RAB12: variants seen among roughly 807,000 people sequenced by gnomAD.
RAB12 encodes the protein RAB12, member RAS oncogene family.
RAB12 carries 11 observed loss-of-function variants against 28.4 expected under a neutral mutation model. The observed-to-expected ratio is 0.39, with a 90% CI of 0.24 to 0.64. The LOEUF (loss-of-function observed/expected upper bound fraction) is 0.64. RAB12 is among the 30% of genes least tolerant of loss of function. RAB12 has a pLI of 0.50. For synonymous variants in RAB12, 138 were observed against 145.3 expected (o/e 0.95, Z 0.36); for missense variants, 276 against 351.1 (o/e 0.79, Z 1.71).
At chr18:8,623,270 G>A (rs1305855568) in intron 1 of RAB12, among the ~76,000 whole-genome samples, 1 of 152,146 alleles carries the variant, frequency 6.6e-6, no homozygotes, top group Admixed American at 6.5e-5. Context: ...AATTATAAAA[G>A]TATTAATTTG....
chr18:8,627,963 GT>G (rs1206879307), intron 2 of RAB12, among the ~76,000 whole-genome samples: 32 of 152,280 alleles, frequency 2.1e-4, no homozygotes, highest in Non-Finnish European at 3.8e-4. Context: ...TCCAAGCGTT[GT>G]TGTATCACCA....
intron 1 of RAB12, among the ~76,000 whole-genome samples, chr18:8,622,338 GT>G (rs1340092157): frequency 6.6e-6 from 1 of 152,176 alleles, no homozygotes; most frequent in Non-Finnish European, 1.5e-5. Context: ...AGTCACGTAG[GT>G]TCTTTTCTAT....
chr18:8,638,296 C>A lies in RAB12; in HGVS notation c.*34C>A, dbSNP rs768051827. On this transcript the variant is annotated 3_prime_UTR_variant, in exon 6 of 6. Coordinates refer to ENST00000649141, the MANE Select transcript of RAB12 (RefSeq NM_001025300.3). Reference sequence around the variant, plus strand: ...TTTGGAGACAAAGTGGAAATGATTCCTGGAAAGGGGAAAAAACGTTCTATT... The same window carrying A: ...TTTGGAGACAAAGTGGAAATGATTCATGGAAAGGGGAAAAAACGTTCTATT... The A allele has an allele frequency of 4.0e-6, 6 of 1,483,840 alleles. No homozygotes were observed. Among genetic ancestry groups the A allele is most frequent in the Non-Finnish European group, 5.6e-6 (6 of 1,063,652 alleles). 91.9% of individuals were successfully genotyped at this position (1,483,840 alleles called of 1,614,324 possible).
At chr18:8,618,742 G>T (rs1004874217) in intron 1 of RAB12, among the ~76,000 whole-genome samples, 1 of 152,258 alleles carries the variant, frequency 6.6e-6, no homozygotes, top group South Asian at 2.1e-4. Flanking sequence ...TTGATCTCCT[G>T]ATCTCGTGAT....
chr18:8,616,104 A>G (rs953335575), intron 1 of RAB12, among the ~76,000 whole-genome samples: 6 of 152,220 alleles, frequency 3.9e-5, no homozygotes, highest in African/African-American at 7.2e-5. Context: ...TCATTCTACA[A>G]ATAGTTTTAA....
chr18:8,629,559 C>T (rs1407552035), intron 2 of RAB12, among the ~76,000 whole-genome samples: 3 of 152,224 alleles, frequency 2.0e-5, no homozygotes, highest in Non-Finnish European at 4.4e-5. Context: ...ACATACCCAC[C>T]TCTGCCCTCC....
intron 2 of RAB12, among the ~76,000 whole-genome samples, chr18:8,625,232 T>C (rs188677807): frequency 6.6e-6 from 1 of 152,382 alleles, no homozygotes; most frequent in Admixed American, 6.5e-5. Flanking sequence ...GTTACTTTAA[T>C]GGTAGCTAGT....
rs773026027 is a variant in RAB12, at chr18:8,638,171, A to G, written c.932A>G (p.Asn311Ser). Reference sequence around the variant, plus strand: ...TAGATGCCTCTGGATATTTTAAGGAATGAGTTGTCCAATAGTATCCTGTCG... The same window carrying G: ...TAGATGCCTCTGGATATTTTAAGGAGTGAGTTGTCCAATAGTATCCTGTCG... ...LKKMPLDILR[N>S]ELSNSILSLQ... The change falls in exon 6 of 6, where the codon AAT becomes AGT. Residue 311 changes from asparagine (N) to serine (S), a missense_variant. Around this residue, in one of 4 missense-constraint regions of RAB12, gnomAD observed 127 missense variants for 161.4 expected, o/e 0.79. Transcript: ENST00000649141. 2.5e-6 allele frequency: 4 copies of G among 1,613,270 alleles called. No individual in the cohort carries two copies. Among genetic ancestry groups the G allele is most frequent in the Non-Finnish European group, 3.4e-6 (4 of 1,179,438 alleles).
chr18:8,633,086 T>C (rs1157541556), intron 2 of RAB12, 103 bp from the exon 3 acceptor site: 1 of 1,468,516 alleles, frequency 6.8e-7, no homozygotes, highest in Admixed American at 1.8e-5. Flanking sequence ...TCTCGTTCTT[T>C]TTTCGCAGAA....
rs151319383 is a variant in RAB12, at chr18:8,621,914, T to A, written c.515-3024T>A. Among the ~76,000 whole-genome samples, 960 of 152,352 alleles carry A rather than the reference T, an allele frequency of 6.3e-3. 13 individuals are homozygous for A. The highest frequency in any genetic ancestry group is 0.023 in the African/African-American group (940 of 41,582). ...TTAGAACTAATAATGTGTTTATAAT[T>A]ACATAGTGATAATGTTACCACTTAT... On this transcript the variant is annotated intron_variant, in intron 1 of 5. Transcript: ENST00000649141.
At chr18:8,618,102 C>A (rs2096007660) in intron 1 of RAB12, among the ~76,000 whole-genome samples, 1 of 152,122 alleles carries the variant, frequency 6.6e-6, no homozygotes, top group South Asian at 2.1e-4. Flanking sequence ...CTTGGAGGCC[C>A]AGGACCTCCA....
intron 3 of RAB12, 107 bp downstream of exon 3, chr18:8,633,434 C>A: frequency 1.5e-6 from 2 of 1,292,984 alleles, no homozygotes; most frequent in Admixed American, 2.0e-5. Context: ...TTCATATAGA[C>A]TAAACATCAT....
Position 8,638,360 on chromosome 18 carries a change from T to C in RAB12, c.*98T>C. On this transcript the variant is annotated 3_prime_UTR_variant, in exon 6 of 6. Coordinates refer to ENST00000649141, the MANE Select transcript of RAB12 (RefSeq NM_001025300.3). ...ATTTTGACAATTTCCTTTCGCACTT[T>C]GTAATCCAAGTCAGAGCTATACACT... The C allele has an allele frequency of 1.2e-6, 1 of 832,026 alleles. No individual in the cohort carries two copies. Among genetic ancestry groups the C allele is most frequent in the Non-Finnish European group, 2.0e-6 (1 of 505,920 alleles). The allele number at this position is 832,026 out of a possible 1,614,324, so 51.5% of individuals were successfully genotyped here.
chr18:8,633,115 T>C, intron 2 of RAB12, 74 bp from the exon 3 acceptor site: 2 of 1,571,530 alleles, frequency 1.3e-6, no homozygotes, highest in Non-Finnish European at 1.7e-6. Flanking sequence ...GCATATAATC[T>C]ATGTTTGCAT....
chr18:8,614,034 G>C (rs1185439157), intron 1 of RAB12, among the ~76,000 whole-genome samples: 1 of 152,172 alleles, frequency 6.6e-6, no homozygotes, highest in South Asian at 2.1e-4. Context: ...GGCTGCAAGT[G>C]AATTCTTTTT....
chr18:8,615,188 C>T (rs1598307456), intron 1 of RAB12, among the ~76,000 whole-genome samples: 2 of 152,232 alleles, frequency 1.3e-5, no homozygotes, highest in African/African-American at 4.8e-5. Flanking sequence ...GTCCGAGAAA[C>T]GGGTGAGTGT....
chr18:8,619,186 G>T (rs1456203196), intron 1 of RAB12, among the ~76,000 whole-genome samples: 1 of 152,136 alleles, frequency 6.6e-6, no homozygotes. Flanking sequence ...AAAATCTATG[G>T]TCTGGTCCAA....
chr18:8,624,863 C>G lies in RAB12; in HGVS notation c.515-75C>G, dbSNP rs141805835. ...TTTTTCTGATAATGATAACAAAATA[C>G]ACAAATAGGATTATTTTGTATGACA... is the stretch of plus-strand genomic sequence containing the variant. On this transcript the variant is annotated intron_variant, in intron 1 of 5. Transcript: ENST00000649141. 7,298 of 953,608 alleles carry G rather than the reference C, an allele frequency of 7.7e-3. 42 individuals are homozygous for G. The highest frequency in any genetic ancestry group is 0.01 in the Non-Finnish European group (6,268 of 608,358). The allele number at this position is 953,608 out of a possible 1,614,324, so 59.1% of individuals were successfully genotyped here.
chr18:8,632,987 G>T, intron 2 of RAB12: 1 of 582,762 alleles, frequency 1.7e-6, no homozygotes, highest in East Asian at 2.9e-5. Flanking sequence ...TAAATATAAA[G>T]GTATTTTCTA....
Sources: gnomAD v4.1 joint callset for allele counts (sites outside exome capture counted in the v4.1 genomes callset) on GRCh38, gnomAD v4.1.1 for gene constraint, gnomAD v4.1.1 regional missense constraint, MANE v1.5 for transcripts, NCBI Gene and HGNC (gene_info 2026-07-23, HGNC 2026-07-21) for gene names.